Variants in CSGALNACT1 observed in about 807,000 individuals in gnomAD.
CSGALNACT1 encodes chondroitin sulfate N-acetylgalactosaminyltransferase 1.
In CSGALNACT1, 52 loss-of-function variants were observed where a neutral mutation model predicts 51.0. The ratio of observed to expected loss-of-function variants is 1.02; its 90% confidence interval spans 0.82 to 1.29. The LOEUF (loss-of-function observed/expected upper bound fraction) is 1.29. Ranked by LOEUF, CSGALNACT1 falls within the 50% of genes most tolerant of loss-of-function variation. CSGALNACT1 has a pLI of 0.00. For synonymous variants in CSGALNACT1, 341 were observed against 254.4 expected, an observed-to-expected ratio of 1.34 and a Z score of -3.24; for missense variants, 935 against 679.2, an observed-to-expected ratio of 1.38 and a Z score of -4.19.
intron 1 of CSGALNACT1, among the ~76,000 whole-genome samples, chr8:19,656,601 C>G (rs538237972): frequency 1.1e-4 from 6 of 56,398 alleles, no homozygotes; most frequent in African/African-American, 2.2e-4. Context: ...GCCCCCCCCC[C>G]ACACACACAC....
intron 1 of CSGALNACT1, among the ~76,000 whole-genome samples, chr8:19,752,634 G>A (rs1275211475): frequency 6.6e-6 from 1 of 152,134 alleles, no homozygotes; most frequent in Non-Finnish European, 1.5e-5. Flanking sequence ...GTGCCCACGT[G>A]CCTTAAGAAT....
rs142440110 is a variant in CSGALNACT1, at chr8:19,589,113, A to G, written c.-297+2047T>C. 4.9e-3 allele frequency among the ~76,000 whole-genome samples: 739 copies of G among 152,176 alleles called. 8 individuals carry two copies. The highest frequency in any genetic ancestry group is 0.017 in the African/African-American group (696 of 41,528). ...CCTTTCCCATATGCCATGCTATTCC[A>G]TTCTTTCTAGGATTGTCTAGGGTGT... On this transcript the variant is annotated intron_variant, in intron 3 of 9. Transcript: ENST00000454498.
intron 1 of CSGALNACT1, among the ~76,000 whole-genome samples, chr8:19,607,992 T>C (rs2051635479): frequency 6.6e-6 from 1 of 152,198 alleles, no homozygotes; most frequent in Admixed American, 6.5e-5. Context: ...AGAACTACTA[T>C]AATGCTTAAA....
intron 5 of CSGALNACT1, among the ~76,000 whole-genome samples, chr8:19,445,345 A>T (rs1208314942): frequency 6.6e-6 from 1 of 152,244 alleles, no homozygotes. Flanking sequence ...GGAGAGGGTC[A>T]CCTGCTAAGT....
At chr8:19,674,570 G>C (rs2060032475) in intron 1 of CSGALNACT1, among the ~76,000 whole-genome samples, 1 of 152,136 alleles carries the variant, frequency 6.6e-6, no homozygotes, top group African/African-American at 2.4e-5. Flanking sequence ...AATGGGGAGA[G>C]ATGACCCTAC....
At chr8:19,565,940 G>C (rs1046457690) in intron 3 of CSGALNACT1, among the ~76,000 whole-genome samples, 3 of 152,080 alleles carry the variant, frequency 2.0e-5, no homozygotes, top group East Asian at 3.9e-4. Context: ...AAACTTCAAG[G>C]CTGATCTAGT....
At chr8:19,676,095 A>C (rs2060166181) in intron 1 of CSGALNACT1, among the ~76,000 whole-genome samples, 1 of 136,210 alleles carries the variant, frequency 7.3e-6, no homozygotes, top group African/African-American at 2.6e-5. Flanking sequence ...AAAAAACAAA[A>C]CAAAACAAAA....
intron 3 of CSGALNACT1, among the ~76,000 whole-genome samples, chr8:19,532,216 G>C (rs1406777925): frequency 1.3e-5 from 2 of 151,426 alleles, no homozygotes; most frequent in Non-Finnish European, 2.9e-5. Context: ...TCTCGCTCTG[G>C]ACCTTAAAAC....
In CSGALNACT1 at chr8:19,594,598, C is replaced by T. The variant is rs114799666; in HGVS notation, c.-415-3320G>A. Reference sequence around the variant, plus strand: ...TGACTCAAATTAGTCACAAGGAGTGCAATGGCGTGATCTCTGCTCACTGCA... The same window carrying T: ...TGACTCAAATTAGTCACAAGGAGTGTAATGGCGTGATCTCTGCTCACTGCA... On this transcript the variant is annotated intron_variant, in intron 2 of 9. Coordinates refer to ENST00000454498, the Ensembl canonical transcript of CSGALNACT1. Among the ~76,000 whole-genome samples, 1,367 of 152,308 alleles carry T rather than the reference C, an allele frequency of 9.0e-3. 23 individuals are homozygous for T. The highest frequency in any genetic ancestry group is 0.031 in the African/African-American group (1,273 of 41,564).
intron 6 of CSGALNACT1, among the ~76,000 whole-genome samples, chr8:19,434,900 C>T (rs150649279): frequency 5.5e-4 from 83 of 151,824 alleles, no homozygotes; most frequent in African/African-American, 1.9e-3. Context: ...AAACAAAAAG[C>T]CTGGAACAAA....
At chr8:19,507,797 T>G (rs189650982) in intron 3 of CSGALNACT1, among the ~76,000 whole-genome samples, 15 of 152,256 alleles carry the variant, frequency 9.9e-5, no homozygotes, top group Non-Finnish European at 1.9e-4. Flanking sequence ...CTGGCTAATG[T>G]TTTTGTATTT....
chr8:19,637,235 G>T (rs1564318179), intron 1 of CSGALNACT1, among the ~76,000 whole-genome samples: 1 of 152,056 alleles, frequency 6.6e-6, no homozygotes, highest in African/African-American at 2.4e-5. Flanking sequence ...AAAGTCTCAA[G>T]GAAATTGCTC....
At chr8:19,653,371 A>T (rs558655756) in intron 1 of CSGALNACT1, among the ~76,000 whole-genome samples, 10 of 152,104 alleles carry the variant, frequency 6.6e-5, no homozygotes, top group Non-Finnish European at 1.3e-4. Flanking sequence ...GTCTCCTTGG[A>T]CACTGGTCCC....
exon 1 of CSGALNACT1, chr8:19,682,583 G>C (rs893155119): frequency 6.6e-6 from 3 of 453,406 alleles, no homozygotes; most frequent in African/African-American, 6.0e-5. Flanking sequence ...CACCTAAGGA[G>C]AGCACTCACT....
At chr8:19,424,144 G>C (rs1198390427) in intron 6 of CSGALNACT1, among the ~76,000 whole-genome samples, 2 of 152,202 alleles carry the variant, frequency 1.3e-5, no homozygotes, top group Admixed American at 6.5e-5. Flanking sequence ...CCACTCACCA[G>C]GTCCTGATGA....
intron 1 of CSGALNACT1, among the ~76,000 whole-genome samples, chr8:19,753,290 C>T (rs1467077995): frequency 6.6e-6 from 1 of 152,092 alleles, no homozygotes; most frequent in Non-Finnish European, 1.5e-5. Context: ...GTTCTACAAC[C>T]TTCATCCAAA....
At chr8:19,432,747 G>A (rs989757634) in intron 6 of CSGALNACT1, among the ~76,000 whole-genome samples, 7 of 151,806 alleles carry the variant, frequency 4.6e-5, no homozygotes, top group Admixed American at 1.3e-4. Context: ...TGTTATTGTA[G>A]TTTTCAACAC....
intron 4 of CSGALNACT1, among the ~76,000 whole-genome samples, chr8:19,476,174 T>A (rs2069569250): frequency 6.6e-6 from 1 of 152,216 alleles, no homozygotes; most frequent in Non-Finnish European, 1.5e-5. Flanking sequence ...TAAGAAATTT[T>A]TTAAAACTTG....
At chr8:19,541,558 T>C (rs2085154727) in intron 3 of CSGALNACT1, among the ~76,000 whole-genome samples, 3 of 126,040 alleles carry the variant, frequency 2.4e-5, no homozygotes, top group Admixed American at 2.3e-4. Context: ...AGCCAATTTT[T>C]TTTTTTTTTT....
Sources: gnomAD v4.1 joint callset for allele counts (sites outside exome capture counted in the v4.1 genomes callset) on GRCh38, gnomAD v4.1.1 for gene constraint, MANE v1.5 for transcripts, NCBI Gene and HGNC (gene_info 2026-07-23, HGNC 2026-07-21) for gene names.